TBC1D5: variants seen among roughly 807,000 people sequenced by gnomAD.
TBC1D5 encodes TBC1 domain family, member 5.
In TBC1D5, 75 loss-of-function variants were observed where a neutral mutation model predicts 100.3. The ratio of observed to expected loss-of-function variants is 0.75; its 90% CI spans 0.62 to 0.91. TBC1D5 has a LOEUF of 0.91. TBC1D5 is among the 40% of genes least tolerant of loss of function. The pLI is 0.00. For synonymous variants in TBC1D5, 323 were observed against 325.6 expected, an observed-to-expected ratio of 0.99 and a Z score of 0.09; for missense variants, 910 against 942.4, an observed-to-expected ratio of 0.97 and a Z score of 0.45.
rs2093665613 is a variant in TBC1D5 at position 17,402,174 on chromosome 3, T to C, written c.509+1007A>G. Among the ~76,000 whole-genome samples, 3 of 152,206 alleles carry C rather than the reference T, an allele frequency of 2.0e-5. No homozygotes were observed. The South Asian group carries it at 6.2e-4, about 31-fold the overall frequency. On this transcript the variant is annotated intron_variant, in intron 8 of 21. Transcript: ENST00000253692. ...TTAAAGAAATTGTATTTGTTAAATATGTACTACAAACTTAGTAGTAGTTCA... is the reference window on the plus strand; with the variant it reads ...TTAAAGAAATTGTATTTGTTAAATACGTACTACAAACTTAGTAGTAGTTCA...
At chr3:17,294,177 CTTGA>C (rs1172195240) in intron 14 of TBC1D5, among the ~76,000 whole-genome samples, 12 of 151,630 alleles carry the variant, frequency 7.9e-5, no homozygotes, top group Admixed American at 5.9e-4. Context: ...TCCAGAAAAG[CTTGA>C]TTGATTGACT....
chr3:17,696,954 G>C lies in TBC1D5; in HGVS notation c.-101+42389C>G, dbSNP rs550420616. 1.1e-4 allele frequency among the ~76,000 whole-genome samples: 16 copies of C among 152,240 alleles called. 1 individual carries two copies. In the South Asian group the frequency reaches 3.3e-3, roughly 32 times the overall value. ...GGGATGCAAGGCTGATTCAACATAC[G>C]CAAATCAATAAACATAATCCATCAC... On this transcript the variant is annotated intron_variant, in intron 1 of 21. Transcript: ENST00000253692.
intron 21 of TBC1D5, among the ~76,000 whole-genome samples, chr3:17,165,817 T>C (rs757449646): frequency 1.3e-5 from 2 of 152,224 alleles, no homozygotes; most frequent in Non-Finnish European, 2.9e-5. Context: ...TCTTTTCGTC[T>C]TATCGGATAA....
In TBC1D5 at chr3:17,460,435, C is replaced by T. The variant is rs540374181; in HGVS notation, c.98-31916G>A. Among the ~76,000 whole-genome samples the T allele has an allele frequency of 1.4e-3, 206 of 152,194 alleles. 2 individuals carry two copies. Among genetic ancestry groups the T allele is most frequent in the Non-Finnish European group, 2.6e-3 (178 of 68,002 alleles). ...GTAGCTAATGCTCAAATGGTTATTA[C>T]GAATATTTACTCTTTCCCAATTCTA... On this transcript the variant is annotated intron_variant, in intron 3 of 21. Transcript: ENST00000253692.
intron 1 of TBC1D5, among the ~76,000 whole-genome samples, chr3:17,627,863 A>G (rs539654425): frequency 2.6e-4 from 39 of 152,292 alleles, no homozygotes; most frequent in African/African-American, 8.4e-4. Flanking sequence ...TACAAGATTA[A>G]AAGAAAAACA....
intron 16 of TBC1D5, among the ~76,000 whole-genome samples, chr3:17,245,756 T>C (rs1191710819): frequency 2.6e-5 from 4 of 152,236 alleles, no homozygotes; most frequent in Non-Finnish European, 5.9e-5. Flanking sequence ...AAACTGAGAT[T>C]TCTATTTTGA....
intron 4 of TBC1D5, among the ~76,000 whole-genome samples, chr3:17,426,414 A>T (rs2094336752): frequency 6.6e-6 from 1 of 152,054 alleles, no homozygotes; most frequent in Non-Finnish European, 1.5e-5. Context: ...AAAAATATTC[A>T]TTTCACACCT....
intron 10 of TBC1D5, among the ~76,000 whole-genome samples, chr3:17,375,283 G>A (rs909267129): frequency 6.6e-6 from 1 of 151,204 alleles, no homozygotes; most frequent in African/African-American, 2.4e-5. Context: ...AAAAAAAAAT[G>A]GCAGGCCGAG....
At chr3:17,304,025 T>A (rs1277452451) in intron 14 of TBC1D5, among the ~76,000 whole-genome samples, 2 of 152,080 alleles carry the variant, frequency 1.3e-5, no homozygotes, top group African/African-American at 4.8e-5. Flanking sequence ...CCTTGTTTCC[T>A]CCTTTATCAG....
intron 13 of TBC1D5, among the ~76,000 whole-genome samples, chr3:17,371,276 GAAC>G (rs984779025): frequency 1.4e-4 from 21 of 152,152 alleles, no homozygotes; most frequent in African/African-American, 4.8e-4. Context: ...ATAATGGAAA[GAAC>G]ATGAATATTT....
chr3:17,591,838 A>G (rs2060247948), intron 2 of TBC1D5, among the ~76,000 whole-genome samples: 1 of 152,230 alleles, frequency 6.6e-6, no homozygotes, highest in Non-Finnish European at 1.5e-5. Flanking sequence ...GAATCCTTGG[A>G]GGGATTGCAG....
At position 17,568,099 on chromosome 3, in the gene TBC1D5, C is replaced by A. The variant is rs557252246; in HGVS notation, c.-36+55750G>T. ...TTAGAATGGCAACGTAAAAGGTGAA[C>A]ACCCTCCTACCTTTTTCATTTGTTT... is the stretch of plus-strand genomic sequence containing the variant. On this transcript the variant is annotated intron_variant, in intron 2 of 21. Coordinates refer to ENST00000253692, the Ensembl canonical transcript of TBC1D5. Among the ~76,000 whole-genome samples, 3 of 151,640 alleles carry A rather than the reference C, an allele frequency of 2.0e-5. No individual in the cohort carries two copies. In the East Asian group the frequency reaches 5.8e-4, roughly 29 times the overall value.
At chr3:17,666,635 C>T (rs1008923145) in intron 1 of TBC1D5, among the ~76,000 whole-genome samples, 2 of 151,842 alleles carry the variant, frequency 1.3e-5, no homozygotes, top group Admixed American at 6.6e-5. Flanking sequence ...AGTAGGACAC[C>T]GAGTACATGT....
chr3:17,466,287 T>C (rs750083233), intron 3 of TBC1D5, among the ~76,000 whole-genome samples: 2 of 152,216 alleles, frequency 1.3e-5, no homozygotes, highest in Non-Finnish European at 2.9e-5. Context: ...ATCAGCTCTA[T>C]TAGTAAAAAT....
chr3:17,575,611 G>T (rs2096652738), intron 2 of TBC1D5, among the ~76,000 whole-genome samples: 1 of 152,066 alleles, frequency 6.6e-6, no homozygotes, highest in Admixed American at 6.6e-5. Context: ...GAAATAACCT[G>T]CCTGGCTGGG....
chr3:17,345,809 C>T (rs563079255), intron 13 of TBC1D5, among the ~76,000 whole-genome samples: 1 of 152,180 alleles, frequency 6.6e-6, no homozygotes, highest in East Asian at 1.9e-4. Context: ...TCTCAGCAAA[C>T]TATCGCAAGG....
intron 14 of TBC1D5, among the ~76,000 whole-genome samples, chr3:17,299,279 T>A (rs2082579871): frequency 6.6e-6 from 1 of 152,158 alleles, no homozygotes; most frequent in East Asian, 1.9e-4. Context: ...GTGGGGTGGC[T>A]ACAGATTTCA....
exon 1 of TBC1D5, chr3:17,740,335 CA>C (rs1174350155): frequency 9.6e-4 from 112 of 116,700 alleles, no homozygotes; most frequent in Non-Finnish European, 9.1e-4. Flanking sequence ...GAGTCCGTCT[CA>C]AAAAAAAAAA....
At chr3:17,379,039 A>G (rs2092823854) in intron 9 of TBC1D5, among the ~76,000 whole-genome samples, 1 of 151,806 alleles carries the variant, frequency 6.6e-6, no homozygotes, top group Admixed American at 6.6e-5. Context: ...CAATAACTGT[A>G]CCATTATAAA....
Sources: allele counts gnomAD v4.1 joint callset (sites outside exome capture counted in the v4.1 genomes callset), GRCh38; gene constraint gnomAD v4.1.1; transcripts MANE v1.5; gene names NCBI Gene and HGNC (gene_info 2026-07-23, HGNC 2026-07-21).